The following MEGF9 variants were observed in gnomAD, a reference collection of about 807,000 sequenced individuals.
MEGF9 encodes multiple EGF like domains 9, also known as multiple epidermal growth factor-like domains protein 9.
In MEGF9, 6 loss-of-function variants were observed where a neutral mutation model predicts 46.8. The ratio of observed to expected loss-of-function variants is 0.13; its 90% CI spans 0.07 to 0.25. The LOEUF (loss-of-function observed/expected upper bound fraction) is 0.25. MEGF9 is among the 10% of genes least tolerant of loss of function. The probability of loss-of-function intolerance (pLI) is 1.00; values close to 1 mark genes in which losing one functional copy is unlikely to be tolerated. For synonymous variants in MEGF9, 302 were observed against 330.7 expected (o/e 0.91, Z 0.94); for missense variants, 683 against 792.4 (o/e 0.86, Z 1.66).
intron 1 of MEGF9, among the ~76,000 whole-genome samples, chr9:120,695,536 G>A (rs776636853): frequency 2.7e-5 from 4 of 148,448 alleles, no homozygotes; most frequent in Non-Finnish European, 3.0e-5. Flanking sequence ...TCTGGGAGGC[G>A]GAGGTTGCAG....
chr9:120,681,846 C>G (rs1265645898), intron 1 of MEGF9, among the ~76,000 whole-genome samples: 1 of 152,152 alleles, frequency 6.6e-6, no homozygotes, highest in Non-Finnish European at 1.5e-5. Context: ...AACTTGAAAT[C>G]CAGCTCCAGG....
chr9:120,614,561 A>T (rs958619868), intron 3 of MEGF9, among the ~76,000 whole-genome samples: 2 of 152,106 alleles, frequency 1.3e-5, no homozygotes, highest in Non-Finnish European at 2.9e-5. Flanking sequence ...TTAGCTATGT[A>T]TCTTTGTGAC....
intron 3 of MEGF9, among the ~76,000 whole-genome samples, chr9:120,621,601 T>C (rs2132303692): frequency 6.6e-6 from 1 of 152,358 alleles, no homozygotes; most frequent in Non-Finnish European, 1.5e-5. Context: ...ATACTAACTT[T>C]AGTCAAGTCT....
At position 120,714,014 on chromosome 9, in the gene MEGF9, G is replaced by T; in HGVS notation, c.345C>A (p.Thr115=). 7.2e-7 allele frequency: 1 copy of T among 1,381,016 alleles called. No individual in the cohort carries two copies. Among genetic ancestry groups the T allele is most frequent in the Non-Finnish European group, 9.4e-7 (1 of 1,063,170 alleles). 85.5% of individuals were successfully genotyped at this position (1,381,016 alleles called of 1,614,324 possible). A position where few individuals can be genotyped will look rare whatever the true frequency, so the allele number is the denominator to read the frequency against. ...LWATAGPSST[T]FQAPLGPSPT... Reference sequence around the variant, plus strand: ...GCGAGGGGCCGAGCGGCGCCTGAAAGGTGGTGGAAGAGGGTCCAGCAGTCG... The same window carrying T: ...GCGAGGGGCCGAGCGGCGCCTGAAATGTGGTGGAAGAGGGTCCAGCAGTCG... The change falls in exon 1 of 6, where the codon ACC becomes ACA. Residue 115 remains threonine, a synonymous_variant. Coordinates refer to ENST00000373930, the MANE Select transcript of MEGF9 (RefSeq NM_001080497.3).
intron 1 of MEGF9, among the ~76,000 whole-genome samples, chr9:120,704,565 CA>C (rs1183906886): frequency 6.6e-6 from 1 of 152,098 alleles, no homozygotes; most frequent in East Asian, 1.9e-4. Context: ...TTACACTTAA[CA>C]AAATAAACTT....
chr9:120,677,812 T>G (rs1220364897), intron 1 of MEGF9, among the ~76,000 whole-genome samples: 1 of 152,208 alleles, frequency 6.6e-6, no homozygotes, highest in African/African-American at 2.4e-5. Context: ...TATACATTTT[T>G]CAAAGTTTTG....
intron 2 of MEGF9, among the ~76,000 whole-genome samples, chr9:120,651,818 A>G (rs1162569919): frequency 1.3e-5 from 2 of 151,520 alleles, no homozygotes; most frequent in African/African-American, 2.4e-5. Flanking sequence ...ATGCCCGGCT[A>G]ATTTTTGTAT....
chr9:120,708,764 A>C (rs1305595213), intron 1 of MEGF9, among the ~76,000 whole-genome samples: 1 of 152,242 alleles, frequency 6.6e-6, no homozygotes, highest in Non-Finnish European at 1.5e-5. Context: ...GAGTACACTG[A>C]CAAACCTGGG....
intron 1 of MEGF9, among the ~76,000 whole-genome samples, chr9:120,670,437 G>A (rs2043743792): frequency 6.6e-6 from 1 of 152,048 alleles, no homozygotes; most frequent in Non-Finnish European, 1.5e-5. Flanking sequence ...ATCCTCTACC[G>A]TGTTCCTAGA....
intron 1 of MEGF9, among the ~76,000 whole-genome samples, chr9:120,678,062 T>C (rs2043781334): frequency 6.6e-6 from 1 of 152,236 alleles, no homozygotes; most frequent in South Asian, 2.1e-4. Flanking sequence ...CTTATTTCAC[T>C]TAACATAATT....
chr9:120,689,922 C>T (rs757498098), intron 1 of MEGF9: 1 of 530,192 alleles, frequency 1.9e-6, no homozygotes, highest in African/African-American at 1.9e-5. Flanking sequence ...AACAATTTTT[C>T]TACCCGTTTT....
intron 2 of MEGF9, among the ~76,000 whole-genome samples, chr9:120,629,713 C>T (rs921463192): frequency 6.6e-6 from 1 of 151,994 alleles, no homozygotes; most frequent in African/African-American, 2.4e-5. Context: ...GAGGATGGAC[C>T]ACCTGAGGTC....
chr9:120,635,957 T>C (rs1211096503), intron 2 of MEGF9, among the ~76,000 whole-genome samples: 1 of 152,094 alleles, frequency 6.6e-6, no homozygotes, highest in Non-Finnish European at 1.5e-5. Flanking sequence ...TTTTTTGAGA[T>C]GAAGTCTCCA....
At chr9:120,651,127 A>C (rs1227513384) in intron 2 of MEGF9, among the ~76,000 whole-genome samples, 8 of 152,260 alleles carry the variant, frequency 5.3e-5, no homozygotes, top group Non-Finnish European at 1.5e-5. Flanking sequence ...GTATTTGTTC[A>C]TCAAAGGGCT....
chr9:120,668,188 A>G (rs1368994375), intron 1 of MEGF9, among the ~76,000 whole-genome samples: 3 of 152,202 alleles, frequency 2.0e-5, no homozygotes, highest in African/African-American at 7.2e-5. Flanking sequence ...TTGTAGGGAA[A>G]AGGAATTATC....
intron 3 of MEGF9, among the ~76,000 whole-genome samples, chr9:120,618,270 A>C (rs953646962): frequency 3.3e-5 from 5 of 152,222 alleles, no homozygotes; most frequent in Admixed American, 2.0e-4. Context: ...CTTGGAGCTG[A>C]ACTGAGGAAG....
chr9:120,632,111 A>G (rs1050063932), intron 2 of MEGF9, among the ~76,000 whole-genome samples: 4 of 152,132 alleles, frequency 2.6e-5, no homozygotes, highest in Non-Finnish European at 5.9e-5. Flanking sequence ...TATTTTTAGT[A>G]GAGACAGGTT....
chr9:120,713,937 G>A lies in MEGF9; in HGVS notation c.422C>T (p.Thr141Ile). 1 of 1,373,984 alleles carries A rather than the reference G, an allele frequency of 7.3e-7. No individual in the cohort carries two copies. Among genetic ancestry groups the A allele is most frequent in the Non-Finnish European group, 9.4e-7 (1 of 1,059,228 alleles). The allele number at this position is 1,373,984 out of a possible 1,614,324, so 85.1% of individuals were successfully genotyped here. A position where few individuals can be genotyped will look rare whatever the true frequency, so the allele number is the denominator to read the frequency against. Residue 141 changes from threonine (T) to isoleucine (I), a missense_variant, in exon 1 of 6, where the codon ACC becomes ATC. Physicochemically the swap from Thr to Ile is moderately conservative, Grantham distance 89. Around this residue, in one of 2 missense-constraint regions of MEGF9, gnomAD observed 370 missense variants for 371.3 expected, o/e 1.00. Coordinates refer to ENST00000373930, the MANE Select transcript of MEGF9 (RefSeq NM_001080497.3). ...ERTSTTSQAP[T>I]RPAPTTLSTT... ...CGAAAGGGTGGTCGGCGCGGGTCTG[G>A]TCGGCGCCTGAGAGGTGGTCGAAGT... is the stretch of plus-strand genomic sequence containing the variant.
At position 120,674,778 on chromosome 9, in the gene MEGF9, C is replaced by G. The variant is rs552774452; in HGVS notation, c.602-15203G>C. On this transcript the variant is annotated intron_variant, in intron 1 of 5. Coordinates refer to ENST00000373930, the MANE Select transcript of MEGF9 (RefSeq NM_001080497.3). ...GAGACAGGGGTCTTGCTATGTTGGC[C>G]AGGCTGGTCTCAAACTCATGGCCTC... Among the ~76,000 whole-genome samples the G allele has an allele frequency of 5.3e-5, 8 of 152,132 alleles. 1 individual carries two copies. Among genetic ancestry groups the G allele is most frequent in the Admixed American group, 5.2e-4 (8 of 15,264 alleles).
Sources: allele counts gnomAD v4.1 joint callset (sites outside exome capture counted in the v4.1 genomes callset), GRCh38; gene constraint gnomAD v4.1.1; regional missense constraint gnomAD v4.1.1; transcripts MANE v1.5; gene names NCBI Gene and HGNC (gene_info 2026-07-23, HGNC 2026-07-21).